MEIS3: variants seen among roughly 807,000 people sequenced by gnomAD.
MEIS3 encodes the protein homeobox protein Meis3.
MEIS3 carries 38 observed loss-of-function variants against 51.4 expected under a neutral mutation model. That is an observed-to-expected ratio of 0.74 (90% CI 0.57 to 0.97). The LOEUF is 0.97. Among genes scored for constraint, MEIS3 ranks in the 50% least tolerant of loss-of-function variants. MEIS3 has a pLI of 0.00. For missense variants in MEIS3, 456 were observed against 502.6 expected (o/e 0.91, Z 0.89); for synonymous variants, 198 against 201.8 (o/e 0.98, Z 0.16).
At chr19:47,407,767 C>G in intron 8 of MEIS3, 1 of 478,398 alleles carries the variant, frequency 2.1e-6, no homozygotes, top group Non-Finnish European at 3.7e-6. Context: ...CCCTCCCTCT[C>G]TGAATCTGTC....
rs767491572 is a variant in MEIS3 at position 47,414,876 on chromosome 19, C to G, written c.448-10G>C. The G allele has an allele frequency of 1.9e-6, 3 of 1,598,966 alleles. No individual in the cohort carries two copies. Among genetic ancestry groups the G allele is most frequent in the South Asian group, 1.1e-5 (1 of 90,310 alleles). Reference sequence around the variant, plus strand: ...CGCACAGGTCGTGGACCTGGGGGGGCACCGGGGTACTGGGGGGGGCCACCC... The same window carrying G: ...CGCACAGGTCGTGGACCTGGGGGGGGACCGGGGTACTGGGGGGGGCCACCC... On this transcript the variant is annotated splice_polypyrimidine_tract_variant and intron_variant, in intron 5 of 12. Coordinates refer to ENST00000558555, the MANE Select transcript of MEIS3 (RefSeq NM_001301059.2).
In MEIS3 at chr19:47,419,152, G is replaced by C; in HGVS notation, c.-71C>G. The C allele has an allele frequency of 8.5e-7, 1 of 1,172,836 alleles. No individual in the cohort carries two copies. The highest frequency in any genetic ancestry group is 4.3e-5 in the South Asian group (1 of 23,270). 72.7% of individuals were successfully genotyped at this position (1,172,836 alleles called of 1,614,324 possible). ...GCGGGGGAGGGCGCAGCCCGGGGCC[G>C]CAGCCCCTGACGGCCCGCGGTGTTG... On this transcript the variant is annotated 5_prime_UTR_variant, in exon 1 of 13. Coordinates refer to ENST00000558555, the MANE Select transcript of MEIS3 (RefSeq NM_001301059.2).
chr19:47,415,343 A>G (rs1971355528), intron 4 of MEIS3, among the ~76,000 whole-genome samples: 1 of 152,040 alleles, frequency 6.6e-6, no homozygotes, highest in South Asian at 2.1e-4. Context: ...GAGAGAAGCA[A>G]GAGACGAAAA....
At chr19:47,407,048 C>A in intron 10 of MEIS3, 31 bp downstream of exon 10, 2 of 1,600,096 alleles carry the variant, frequency 1.2e-6, no homozygotes, top group Non-Finnish European at 1.7e-6. Context: ...CTAAGAACCC[C>A]AGGCTCTCCG....
intron 8 of MEIS3, among the ~76,000 whole-genome samples, chr19:47,407,839 T>G (rs763728003): frequency 6.6e-6 from 1 of 152,128 alleles, no homozygotes; most frequent in Non-Finnish European, 1.5e-5. Context: ...GATGGAGTCT[T>G]GCTCTGTCGC....
chr19:47,417,789 A>G (rs1054765119), intron 1 of MEIS3: 46 of 633,408 alleles, frequency 7.3e-5, no homozygotes, highest in African/African-American at 7.1e-4. Context: ...CAGTTGGCAG[A>G]TAAGCGCATC....
At chr19:47,412,752 T>C (rs1971200123) in intron 6 of MEIS3, among the ~76,000 whole-genome samples, 1 of 152,092 alleles carries the variant, frequency 6.6e-6, no homozygotes, top group Admixed American at 6.6e-5. Flanking sequence ...TTATGTTTAG[T>C]AGAGACGGGG....
Position 47,417,960 on chromosome 19 carries a change from C to T in MEIS3, c.13-610G>A, listed in dbSNP as rs914918854. 3 of 511,570 alleles carry T rather than the reference C, an allele frequency of 5.9e-6. No individual in the cohort carries two copies. In the South Asian group the frequency reaches 9.2e-5, roughly 16 times the overall value. 31.7% of individuals were successfully genotyped at this position (511,570 alleles called of 1,614,324 possible). ...GCACACACACATGCACACAGCCCAA[C>T]ACCAGGCACAAGAATGAATGCATGA... On this transcript the variant is annotated intron_variant, in intron 1 of 12. Transcript: ENST00000558555.
At chr19:47,406,275 AT>A (rs374970010) in intron 12 of MEIS3, 184 bp downstream of exon 12, 18 of 379,218 alleles carry the variant, frequency 4.7e-5, no homozygotes, top group South Asian at 2.2e-4. Flanking sequence ...GAGGAGGAGG[AT>A]GGATGGATGG....
intron 12 of MEIS3, 48 bp downstream of exon 12, chr19:47,406,412 A>G (rs1970819083): frequency 6.5e-7 from 1 of 1,536,432 alleles, no homozygotes. Context: ...CCTGAGGTCT[A>G]ATGGAGGTTT....
chr19:47,414,982 G>A, intron 5 of MEIS3, 69 bp downstream of exon 5: 3 of 972,896 alleles, frequency 3.1e-6, no homozygotes, highest in Non-Finnish European at 1.5e-6. Flanking sequence ...GAAGGTGGGG[G>A]GCAGAGGCGA....
upstream of MEIS3, among the ~76,000 whole-genome samples, chr19:47,419,911 T>A (rs1489236182): frequency 6.6e-6 from 1 of 151,838 alleles, no homozygotes; most frequent in Non-Finnish European, 1.5e-5. Context: ...GAATCTGGAG[T>A]CTGGTCCCAC....
intron 6 of MEIS3, 107 bp downstream of exon 6, chr19:47,414,610 G>A: frequency 2.3e-6 from 3 of 1,331,456 alleles, no homozygotes; most frequent in South Asian, 1.4e-5. Context: ...CTGTGATCAG[G>A]CTGACTGTGG....
intron 6 of MEIS3, among the ~76,000 whole-genome samples, chr19:47,410,088 C>A (rs1429962831): frequency 6.6e-6 from 1 of 152,096 alleles, no homozygotes; most frequent in Non-Finnish European, 1.5e-5. Context: ...AGGCAGATCA[C>A]CTGAGGTCGG....
In MEIS3 at chr19:47,414,700, G is replaced by A; in HGVS notation, c.597+17C>T. ...CTGTGGCTGCAGGACGATGCCTGGT[G>A]CCCGTCCCGGGCCCACCTGGTCTGG... is the stretch of plus-strand genomic sequence containing the variant. On this transcript the variant is annotated intron_variant, in intron 6 of 12. Coordinates refer to ENST00000558555, the MANE Select transcript of MEIS3 (RefSeq NM_001301059.2). 6.3e-7 allele frequency: 1 copy of A among 1,575,208 alleles called. No homozygotes were observed. The highest frequency in any genetic ancestry group is 8.6e-7 in the Non-Finnish European group (1 of 1,161,606).
At chr19:47,418,110 C>T (rs1255858803) in intron 1 of MEIS3, 1 of 185,478 alleles carries the variant, frequency 5.4e-6, no homozygotes, top group Admixed American at 5.5e-5. Context: ...GATTGCGCAC[C>T]CAAGAGAAAC....
chr19:47,417,647 G>T (rs553686617), intron 1 of MEIS3: 43 of 702,902 alleles, frequency 6.1e-5, no homozygotes, highest in South Asian at 3.3e-4. Context: ...AGAAAGTGGC[G>T]TGAGAAGACA....
At chr19:47,415,564 T>G (rs1319330648) in intron 4 of MEIS3, among the ~76,000 whole-genome samples, 2 of 137,164 alleles carry the variant, frequency 1.5e-5, no homozygotes, top group Non-Finnish European at 3.1e-5. Flanking sequence ...CTTTCTTCTC[T>G]CTCTCTCTCT....
intron 8 of MEIS3, among the ~76,000 whole-genome samples, chr19:47,408,580 G>A (rs925520275): frequency 6.6e-6 from 1 of 151,972 alleles, no homozygotes; most frequent in African/African-American, 2.4e-5. Flanking sequence ...GCCTCTCCCT[G>A]TCTCCATCTT....
Sources: gnomAD v4.1 joint callset for allele counts (sites outside exome capture counted in the v4.1 genomes callset) on GRCh38, gnomAD v4.1.1 for gene constraint, MANE v1.5 for transcripts, NCBI Gene and HGNC (gene_info 2026-07-23, HGNC 2026-07-21) for gene names.